MYO1B: variants seen among roughly 807,000 people sequenced by gnomAD.
MYO1B encodes myosin IB, also known as unconventional myosin-Ib.
A neutral mutation model predicts 159.7 loss-of-function variants in MYO1B; 72 were observed. That is an observed-to-expected ratio of 0.45 (90% CI 0.37 to 0.55). The LOEUF (loss-of-function observed/expected upper bound fraction) is 0.55. Among genes scored for constraint, MYO1B ranks in the 20% least tolerant of loss-of-function variants. The pLI, the probability that MYO1B is intolerant of heterozygous loss-of-function variation, is 0.00. For synonymous variants in MYO1B, 468 were observed against 473.8 expected (o/e 0.99, Z 0.16); for missense variants, 1,062 against 1,364.8 (o/e 0.78, Z 3.50).
intron 1 of MYO1B, among the ~76,000 whole-genome samples, chr2:191,272,502 A>G (rs1247325991): frequency 6.6e-6 from 1 of 152,198 alleles, no homozygotes; most frequent in South Asian, 2.1e-4. Context: ...CTACATCTGC[A>G]TGGCAGAAGT....
chr2:191,314,857 G>A (rs1021277138), intron 3 of MYO1B, among the ~76,000 whole-genome samples: 8 of 152,138 alleles, frequency 5.3e-5, no homozygotes, highest in Non-Finnish European at 7.4e-5. Flanking sequence ...AGGTTATTGC[G>A]TAATGCATTA....
At chr2:191,373,275 G>A (rs1026830649) in intron 13 of MYO1B, among the ~76,000 whole-genome samples, 4 of 152,198 alleles carry the variant, frequency 2.6e-5, no homozygotes, top group Admixed American at 2.6e-4. Context: ...TGTCTAGGCT[G>A]TACCCAGAGC....
chr2:191,387,657 G>T (rs1695475008), intron 17 of MYO1B: 1 of 600,648 alleles, frequency 1.7e-6, no homozygotes, highest in Non-Finnish European at 2.9e-6. Context: ...GTAAAGTGTG[G>T]TGGAGAAGAT....
rs1180987894 is a variant in MYO1B, at chr2:191,397,949, A to AC, written c.2295+1459dup. The stretch of plus-strand genomic sequence containing the variant: ...ACAGGGCGGCTGGCCGGGCGGGCCG[A>AC]CCCCCCCACCTCCCTCCCGGACGGG... On this transcript the variant is annotated intron_variant, in intron 21 of 30. Transcript: ENST00000392318. 6.7e-3 allele frequency among the ~76,000 whole-genome samples: 102 copies of AC among 15,116 alleles called. 4 individuals are homozygous for AC. Among genetic ancestry groups the AC allele is most frequent in the Admixed American group, 0.052 (83 of 1,582 alleles). 9.9% of individuals were successfully genotyped at this position (15,116 alleles called of 152,430 possible).
chr2:191,316,936 G>A (rs138007791), intron 3 of MYO1B, among the ~76,000 whole-genome samples: 37 of 152,304 alleles, frequency 2.4e-4, no homozygotes, highest in Middle Eastern at 3.4e-3. Context: ...ATTGATCCAG[G>A]AAAATTTTGA....
intron 11 of MYO1B, among the ~76,000 whole-genome samples, chr2:191,368,857 C>G (rs1694178876): frequency 6.6e-6 from 1 of 152,010 alleles, no homozygotes; most frequent in Admixed American, 6.6e-5. Context: ...ACGTGTAGTC[C>G]CAGTCACTCG....
At chr2:191,376,173 A>G (rs998805762) in intron 13 of MYO1B, among the ~76,000 whole-genome samples, 6 of 152,190 alleles carry the variant, frequency 3.9e-5, no homozygotes, top group Admixed American at 6.5e-5. Flanking sequence ...ATTTTAGTAT[A>G]TACCTGGAAG....
chr2:191,376,121 T>G (rs1694697011), intron 13 of MYO1B, among the ~76,000 whole-genome samples: 2 of 152,210 alleles, frequency 1.3e-5, no homozygotes, highest in Admixed American at 1.3e-4. Flanking sequence ...TTAAAATGTT[T>G]AAGAAGAGCA....
intron 7 of MYO1B, among the ~76,000 whole-genome samples, chr2:191,355,266 G>A (rs1693198019): frequency 6.6e-6 from 1 of 152,230 alleles, no homozygotes; most frequent in African/African-American, 2.4e-5. Flanking sequence ...CAGCAGAGAT[G>A]AGCCAAGCTG....
intron 3 of MYO1B, among the ~76,000 whole-genome samples, chr2:191,301,176 G>A (rs6714172): frequency 2.6e-5 from 4 of 152,128 alleles, no homozygotes; most frequent in African/African-American, 9.7e-5. Flanking sequence ...ACCACCATTT[G>A]CTTTTCTAGT....
At chr2:191,254,005 GA>G (rs1686285319) in intron 1 of MYO1B, among the ~76,000 whole-genome samples, 1 of 152,086 alleles carries the variant, frequency 6.6e-6, no homozygotes, top group Non-Finnish European at 1.5e-5. Context: ...TGGTCATTTT[GA>G]ATGAATGATT....
intron 30 of MYO1B, among the ~76,000 whole-genome samples, chr2:191,417,413 A>G (rs1051472662): frequency 5.3e-5 from 8 of 152,228 alleles, no homozygotes; most frequent in Non-Finnish European, 1.0e-4. Context: ...TTAACACGTT[A>G]GGGCCTATTA....
intron 3 of MYO1B, among the ~76,000 whole-genome samples, chr2:191,324,313 T>G (rs1690916661): frequency 6.6e-6 from 1 of 152,148 alleles, no homozygotes; most frequent in Non-Finnish European, 1.5e-5. Flanking sequence ...CTCTTTTTTT[T>G]CTTTGTTTTT....
rs1199210567 is a variant in MYO1B at position 191,381,222 on chromosome 2, A to C, written c.1186-240A>C. The C allele has an allele frequency of 1.5e-5, 8 of 531,254 alleles. No individual in the cohort carries two copies. In the East Asian group the frequency reaches 2.7e-4, roughly 18 times the overall value. 32.9% of individuals were successfully genotyped at this position (531,254 alleles called of 1,614,324 possible). A position where few individuals can be genotyped will look rare whatever the true frequency, so the allele number is the denominator to read the frequency against. Reference sequence around the variant, plus strand: ...TTTGGGGTGCTTCTCTGTCAACTAAAAGTCTTCATCCTTCAAATATTGCAT... The same window carrying C: ...TTTGGGGTGCTTCTCTGTCAACTAACAGTCTTCATCCTTCAAATATTGCAT... On this transcript the variant is annotated intron_variant, in intron 13 of 30. Transcript: ENST00000392318.
At chr2:191,364,345 C>T (rs1693861425) in intron 11 of MYO1B, 69 bp downstream of exon 11, 3 of 1,296,826 alleles carry the variant, frequency 2.3e-6, no homozygotes, top group Non-Finnish European at 3.3e-6. Flanking sequence ...TAAGTATAAA[C>T]AAAGATTTTA....
chr2:191,338,420 A>G (rs1313410462), intron 4 of MYO1B, among the ~76,000 whole-genome samples: 3 of 152,192 alleles, frequency 2.0e-5, no homozygotes, highest in Non-Finnish European at 4.4e-5. Context: ...AAATGAATCC[A>G]TCTTTATATG....
Position 191,298,491 on chromosome 2 carries a change from CT to C in MYO1B, c.251+2266del, listed in dbSNP as rs1033850476. ...TTCCCCCAGGGGCTTATGAAAAAAT[CT>C]GGATTCCTAGGTCTTACTTCTCATA... On this transcript the variant is annotated intron_variant, in intron 3 of 30. Transcript: ENST00000392318. Among the ~76,000 whole-genome samples the C allele has an allele frequency of 2.6e-5, 4 of 152,280 alleles. No individual in the cohort carries two copies. In the East Asian group the frequency reaches 5.8e-4, roughly 22 times the overall value.
At chr2:191,255,220 C>A (rs764373329) in intron 1 of MYO1B, among the ~76,000 whole-genome samples, 2 of 152,190 alleles carry the variant, frequency 1.3e-5, no homozygotes, top group Non-Finnish European at 2.9e-5. Context: ...TGAGGCACTA[C>A]ACCCATCCTG....
chr2:191,390,296 A>G lies in MYO1B; in HGVS notation c.1786A>G (p.Ile596Val). The G allele has an allele frequency of 6.2e-7, 1 of 1,613,190 alleles. No individual in the cohort carries two copies. The highest frequency in any genetic ancestry group is 8.5e-7 in the Non-Finnish European group (1 of 1,179,224). The change falls in exon 18 of 31, where the codon ATC becomes GTC. Residue 596 changes from isoleucine to valine, a missense_variant. By Grantham distance (29) the Ile-to-Val change is conservative. This residue lies in a region of MYO1B where 609 missense variants were observed against 744.4 expected (regional missense o/e 0.82). Coordinates refer to ENST00000392318, the MANE Select transcript of MYO1B (RefSeq NM_001130158.3). ...QTKNPNYIRC[I>V]KPNDKKAAHI... ...AAAATCTTTGTGATCTTTAAGGTGT[A>G]TCAAACCGAATGATAAAAAAGCAGC... is the stretch of plus-strand genomic sequence containing the variant.
Sources: gnomAD v4.1 joint callset for allele counts (sites outside exome capture counted in the v4.1 genomes callset) on GRCh38, gnomAD v4.1.1 for gene constraint, gnomAD v4.1.1 regional missense constraint, MANE v1.5 for transcripts, NCBI Gene and HGNC (gene_info 2026-07-23, HGNC 2026-07-21) for gene names.